DLG2: variants seen among roughly 807,000 people sequenced by gnomAD.
DLG2 encodes disks large homolog 2.
Under a neutral mutation model 132.5 loss-of-function variants are expected in DLG2, and 45 were observed. The ratio of observed to expected loss-of-function variants is 0.34; its 90% CI spans 0.27 to 0.44. DLG2 has a LOEUF of 0.44. DLG2 is among the 20% of genes least tolerant of loss of function. DLG2 has a pLI of 1.00. For synonymous variants in DLG2, 424 were observed against 419.6 expected (o/e 1.01, Z -0.13); for missense variants, 1,045 against 1,196.9 (o/e 0.87, Z 1.87).
chr11:85,334,743 C>T (rs2082010964), intron 3 of DLG2, among the ~76,000 whole-genome samples: 1 of 151,960 alleles, frequency 6.6e-6, no homozygotes, highest in Admixed American at 6.6e-5. Context: ...TTTGAGATAT[C>T]TTCTTGGTAT....
At chr11:84,613,722 C>A (rs1309381238) in intron 6 of DLG2, among the ~76,000 whole-genome samples, 1 of 152,066 alleles carries the variant, frequency 6.6e-6, no homozygotes, top group East Asian at 1.9e-4. Context: ...GTTTTTTATC[C>A]TTCTTTAGAA....
chr11:84,746,261 A>AAAAAG (rs910826153), intron 6 of DLG2, among the ~76,000 whole-genome samples: 1 of 151,968 alleles, frequency 6.6e-6, no homozygotes, highest in Non-Finnish European at 1.5e-5. Flanking sequence ...GAAAAAAAAA[A>AAAAAG]AAAAGAAAAG....
intron 7 of DLG2, among the ~76,000 whole-genome samples, chr11:84,381,809 T>C (rs2098749812): frequency 6.6e-6 from 1 of 152,154 alleles, no homozygotes; most frequent in African/African-American, 2.4e-5. Flanking sequence ...AATAACCAGA[T>C]ATGGAAAAAG....
At chr11:84,266,199 T>G (rs11233970) in intron 7 of DLG2, among the ~76,000 whole-genome samples, 1 of 152,168 alleles carries the variant, frequency 6.6e-6, no homozygotes, top group Admixed American at 6.5e-5. Flanking sequence ...CAGATGTGTA[T>G]GCACAGGCAT....
chr11:85,332,081 A>G (rs1371677433), intron 3 of DLG2, among the ~76,000 whole-genome samples: 3 of 152,180 alleles, frequency 2.0e-5, no homozygotes, highest in Non-Finnish European at 1.5e-5. Context: ...TACTCACACC[A>G]ACAATCTATA....
chr11:84,130,505 TACACACAC>T (rs1238340332), intron 9 of DLG2, among the ~76,000 whole-genome samples: 1 of 116,862 alleles, frequency 8.6e-6, no homozygotes, highest in African/African-American at 3.7e-5. Context: ...TATATATATA[TACACACAC>T]ACACACACAC....
At chr11:85,253,834 AG>A (rs2076527237) in intron 4 of DLG2, among the ~76,000 whole-genome samples, 1 of 152,092 alleles carries the variant, frequency 6.6e-6, no homozygotes, top group African/African-American at 2.4e-5. Context: ...GGAGCTGAAA[AG>A]GGGACAGAGC....
chr11:84,723,505 C>T (rs993104176), intron 6 of DLG2, among the ~76,000 whole-genome samples: 1 of 152,154 alleles, frequency 6.6e-6, no homozygotes, highest in African/African-American at 2.4e-5. Flanking sequence ...TAATTCTCCT[C>T]TCCAAATAAT....
intron 22 of DLG2, chr11:83,483,315 A>C (rs775090187): frequency 6.2e-7 from 1 of 1,608,656 alleles, no homozygotes; most frequent in Non-Finnish European, 8.5e-7. Context: ...GGAAGTCCCC[A>C]GAGAGAGCAA....
At chr11:84,725,216 T>C (rs1030611036) in intron 6 of DLG2, among the ~76,000 whole-genome samples, 6 of 152,120 alleles carry the variant, frequency 3.9e-5, no homozygotes, top group Admixed American at 3.3e-4. Context: ...AGCTAATACA[T>C]CCCAATTTTT....
intron 6 of DLG2, among the ~76,000 whole-genome samples, chr11:84,874,019 G>A (rs1262596175): frequency 2.6e-5 from 4 of 152,182 alleles, no homozygotes; most frequent in Non-Finnish European, 5.9e-5. Flanking sequence ...GAAAAACACA[G>A]AGATTAAAAA....
intron 19 of DLG2, chr11:83,631,626 T>C (rs2153456872): frequency 6.6e-6 from 1 of 152,302 alleles, no homozygotes; most frequent in Non-Finnish European, 1.5e-5. Flanking sequence ...TATCACTTCA[T>C]TTAATTTTCT....
chr11:84,998,933 T>C (rs1042547388), intron 6 of DLG2, among the ~76,000 whole-genome samples: 2 of 151,820 alleles, frequency 1.3e-5, no homozygotes, highest in Non-Finnish European at 2.9e-5. Flanking sequence ...TTTCAACATT[T>C]AAGGATTTCA....
At chr11:84,934,219 A>C (rs1460868189) in intron 6 of DLG2, among the ~76,000 whole-genome samples, 1 of 152,148 alleles carries the variant, frequency 6.6e-6, no homozygotes, top group African/African-American at 2.4e-5. Context: ...CCAGATATAA[A>C]GCCTACTTTA....
intron 6 of DLG2, among the ~76,000 whole-genome samples, chr11:85,010,619 G>A (rs1361530399): frequency 6.6e-6 from 1 of 152,104 alleles, no homozygotes; most frequent in African/African-American, 2.4e-5. Context: ...AAGGGACAGT[G>A]ATTTAGGTTA....
At chr11:85,281,651 C>G (rs948504708) in intron 4 of DLG2, among the ~76,000 whole-genome samples, 1 of 151,824 alleles carries the variant, frequency 6.6e-6, no homozygotes, top group Admixed American at 6.6e-5. Flanking sequence ...CTTATCTGTC[C>G]TCCTCTTTGA....
At position 85,119,170 on chromosome 11, in the gene DLG2, G is replaced by C. The variant is rs180813715; in HGVS notation, c.283-7435C>G. ...CTTAAGTTTTGTTTGTAACTTTTTT[G>C]TCAGTATATAGAAGATGGAAAGAAT... is the stretch of plus-strand genomic sequence containing the variant. On this transcript the variant is annotated intron_variant, in intron 5 of 27. Coordinates refer to ENST00000376104, the MANE Select transcript of DLG2 (RefSeq NM_001142699.3). Among the ~76,000 whole-genome samples, 297 of 152,014 alleles carry C rather than the reference G, an allele frequency of 2.0e-3. 1 individual carries two copies. The highest frequency in any genetic ancestry group is 3.5e-3 in the Non-Finnish European group (238 of 67,908).
chr11:85,401,347 TA>T (rs1367689587), intron 3 of DLG2, among the ~76,000 whole-genome samples: 1 of 152,034 alleles, frequency 6.6e-6, no homozygotes, highest in Non-Finnish European at 1.5e-5. Flanking sequence ...CTCAAAATAA[TA>T]AGAGTTATTT....
chr11:84,114,500 A>G (rs1436545658), intron 9 of DLG2, among the ~76,000 whole-genome samples: 1 of 152,172 alleles, frequency 6.6e-6, no homozygotes, highest in Non-Finnish European at 1.5e-5. Flanking sequence ...GGAGGGGAGG[A>G]TGGAGATGGA....
Sources: allele counts gnomAD v4.1 joint callset (sites outside exome capture counted in the v4.1 genomes callset), GRCh38; gene constraint gnomAD v4.1.1; transcripts MANE v1.5; gene names NCBI Gene and HGNC (gene_info 2026-07-23, HGNC 2026-07-21).